SORCS1: variants seen among roughly 807,000 people sequenced by gnomAD.
SORCS1 encodes the protein VPS10 domain-containing receptor SorCS1.
A neutral mutation model predicts 146.1 loss-of-function variants in SORCS1; 60 were observed. The observed-to-expected ratio is 0.41, with a 90% CI of 0.33 to 0.51. The LOEUF (loss-of-function observed/expected upper bound fraction) is 0.51, where lower values mean the gene tolerates loss of function less well. SORCS1 is among the 20% of genes least tolerant of loss of function. The probability of loss-of-function intolerance (pLI) is 0.21; values close to 1 mark genes in which losing one functional copy is unlikely to be tolerated. For missense variants in SORCS1, 1,352 were observed against 1,487.6 expected, an observed-to-expected ratio of 0.91 and a Z score of 1.50; for synonymous variants, 637 against 584.0, an observed-to-expected ratio of 1.09 and a Z score of -1.31.
intron 1 of SORCS1, among the ~76,000 whole-genome samples, chr10:106,972,733 T>G (rs11193137): frequency 0.05 from 7,658 of 152,194 alleles, 610 homozygotes; most frequent in African/African-American, 0.17. Context: ...TAGAGATGAA[T>G]TACTATGGGA....
chr10:107,067,358 T>A (rs543079132), intron 1 of SORCS1, among the ~76,000 whole-genome samples: 2 of 152,052 alleles, frequency 1.3e-5, no homozygotes, highest in Non-Finnish European at 2.9e-5. Flanking sequence ...TGGGTAACCA[T>A]CTCCTAATCC....
At chr10:106,925,606 G>C (rs531093941) in intron 2 of SORCS1, among the ~76,000 whole-genome samples, 25 of 152,220 alleles carry the variant, frequency 1.6e-4, no homozygotes, top group Admixed American at 3.9e-4. Context: ...CTTAACAAAG[G>C]CTTTTGAGAA....
intron 4 of SORCS1, among the ~76,000 whole-genome samples, chr10:106,764,809 G>T (rs1172254003): frequency 6.6e-6 from 1 of 152,020 alleles, no homozygotes; most frequent in Admixed American, 6.6e-5. Flanking sequence ...GGATCACGAG[G>T]TCAGGAGATT....
rs1848624378 is a variant in SORCS1, at chr10:106,634,583, A to G, written c.2476-5195T>C. 3.9e-5 allele frequency among the ~76,000 whole-genome samples: 6 copies of G among 152,190 alleles called. No homozygotes were observed. In the South Asian group the frequency reaches 1.2e-3, roughly 31 times the overall value. Reference sequence around the variant, plus strand: ...GTTTCTTTAATTGAAATTACTCGCAATATTTCTTTCAGACCAAGAGGAAGG... The same window carrying G: ...GTTTCTTTAATTGAAATTACTCGCAGTATTTCTTTCAGACCAAGAGGAAGG... On this transcript the variant is annotated intron_variant, in intron 18 of 25. Coordinates refer to ENST00000263054, the MANE Select transcript of SORCS1 (RefSeq NM_052918.5).
intron 18 of SORCS1, among the ~76,000 whole-genome samples, chr10:106,630,911 C>T (rs1292026835): frequency 6.6e-6 from 1 of 151,802 alleles, no homozygotes; most frequent in Non-Finnish European, 1.5e-5. Flanking sequence ...AAAAGTTGCT[C>T]AGACCCCATT....
At chr10:106,634,260 A>G (rs1463064460) in intron 18 of SORCS1, among the ~76,000 whole-genome samples, 1 of 152,196 alleles carries the variant, frequency 6.6e-6, no homozygotes, top group African/African-American at 2.4e-5. Flanking sequence ...TGTCTTGTTA[A>G]TGTATCTTCA....
chr10:106,952,145 A>T (rs558388238), intron 2 of SORCS1, among the ~76,000 whole-genome samples: 43 of 152,128 alleles, frequency 2.8e-4, no homozygotes, highest in Non-Finnish European at 4.9e-4. Flanking sequence ...CCCTAACTTT[A>T]GTGAGTCAGG....
chr10:106,774,343 G>T (rs940734167), intron 4 of SORCS1, among the ~76,000 whole-genome samples: 3 of 151,790 alleles, frequency 2.0e-5, no homozygotes, highest in African/African-American at 7.3e-5. Flanking sequence ...ATTTCTGAAG[G>T]CTCCTAATTA....
At chr10:107,103,332 T>C (rs1965077233) in intron 1 of SORCS1, among the ~76,000 whole-genome samples, 1 of 152,204 alleles carries the variant, frequency 6.6e-6, no homozygotes, top group South Asian at 2.1e-4. Context: ...GGCCTGGCTT[T>C]TGTCATTGTG....
At chr10:107,172,558 C>G in the SORCS1 span, among the ~76,000 whole-genome samples, 4 of 152,218 alleles carry the variant, frequency 2.6e-5, no homozygotes, top group Admixed American at 2.6e-4. Flanking sequence ...GCCATCTCCT[C>G]CATTAGACTG....
chr10:106,796,397 A>G (rs1021505535), intron 3 of SORCS1, among the ~76,000 whole-genome samples: 8 of 151,968 alleles, frequency 5.3e-5, no homozygotes, highest in Admixed American at 2.6e-4. Flanking sequence ...GATCTTCTTG[A>G]CATACAATGT....
intron 1 of SORCS1, among the ~76,000 whole-genome samples, chr10:107,090,456 G>A (rs1401781553): frequency 2.6e-5 from 4 of 152,264 alleles, no homozygotes; most frequent in Non-Finnish European, 5.9e-5. Flanking sequence ...ACGGCTTCAC[G>A]AACATTACCT....
intron 1 of SORCS1, 150 bp from the exon 2 acceptor site, chr10:106,956,730 A>T: frequency 1.5e-6 from 1 of 686,714 alleles, no homozygotes; most frequent in Non-Finnish European, 2.5e-6. Flanking sequence ...GACTGGGGAA[A>T]GGTTGGCTTG....
At chr10:107,172,023 G>T in the SORCS1 span, among the ~76,000 whole-genome samples, 1 of 152,176 alleles carries the variant, frequency 6.6e-6, no homozygotes, top group African/African-American at 2.4e-5. Context: ...TCTAAAAGGA[G>T]CTGTGGTTCT....
At chr10:107,105,254 C>T (rs1965227821) in intron 1 of SORCS1, among the ~76,000 whole-genome samples, 1 of 151,958 alleles carries the variant, frequency 6.6e-6, no homozygotes, top group South Asian at 2.1e-4. Flanking sequence ...CATGGTGTCT[C>T]AGTTAAGATA....
At chr10:106,916,362 T>G (rs183276087) in intron 2 of SORCS1, among the ~76,000 whole-genome samples, 1 of 151,892 alleles carries the variant, frequency 6.6e-6, no homozygotes, top group East Asian at 1.9e-4. Context: ...TTTTTTCCAT[T>G]ATACTATTGG....
intron 5 of SORCS1, among the ~76,000 whole-genome samples, chr10:106,749,284 A>T (rs959802152): frequency 6.6e-6 from 1 of 152,214 alleles, no homozygotes; most frequent in African/African-American, 2.4e-5. Flanking sequence ...GACAGGTTCT[A>T]GTTTGTCCTT....
chr10:106,828,518 T>C (rs1433001011), intron 3 of SORCS1, among the ~76,000 whole-genome samples: 1 of 152,200 alleles, frequency 6.6e-6, no homozygotes, highest in African/African-American at 2.4e-5. Context: ...ATGCAGACCC[T>C]ACCCAAGGTC....
intron 1 of SORCS1, among the ~76,000 whole-genome samples, chr10:106,997,583 A>C (rs1243995340): frequency 6.6e-6 from 1 of 152,190 alleles, no homozygotes. Context: ...GGAAAACTAT[A>C]AACAAGACCA....
Sources: allele counts gnomAD v4.1 joint callset (sites outside exome capture counted in the v4.1 genomes callset), GRCh38; gene constraint gnomAD v4.1.1; transcripts MANE v1.5; gene names NCBI Gene and HGNC (gene_info 2026-07-23, HGNC 2026-07-21).